The following GRIN2B variants were observed in gnomAD, a reference collection of about 807,000 sequenced individuals.
GRIN2B encodes the protein glutamate ionotropic receptor NMDA type subunit 2B.
A neutral mutation model predicts 114.5 loss-of-function variants in GRIN2B; 5 were observed. The ratio of observed to expected loss-of-function variants is 0.04; its 90% CI spans 0.02 to 0.09. GRIN2B has a LOEUF of 0.09. Among genes scored for constraint, GRIN2B ranks in the 10% least tolerant of loss-of-function variants. The pLI, the probability that GRIN2B is intolerant of heterozygous loss-of-function variation, is 1.00. For synonymous variants in GRIN2B, 787 were observed against 745.1 expected (o/e 1.06, Z -0.92); for missense variants, 1,108 against 1,943.5 (o/e 0.57, Z 8.08).
At chr12:13,643,766 T>A (rs375966735) in intron 5 of GRIN2B, among the ~76,000 whole-genome samples, 1 of 152,190 alleles carries the variant, frequency 6.6e-6, no homozygotes, top group East Asian at 1.9e-4. Context: ...GACAATGTTA[T>A]GGCATCTTCA....
chr12:13,794,949 G>A (rs566896762), intron 3 of GRIN2B, among the ~76,000 whole-genome samples: 1 of 152,328 alleles, frequency 6.6e-6, no homozygotes, highest in Admixed American at 6.5e-5. Context: ...CTCACCATGA[G>A]AGGAGCTGCC....
At position 13,937,465 on chromosome 12, in the gene GRIN2B, A is replaced by G; in HGVS notation, c.-19+42463T>C. On this transcript the variant is annotated intron_variant, in intron 2 of 13. Transcript: ENST00000609686. ...AAGGATAAAAATGACTGCTGACCAG[A>G]AGACAATGGAATAATATCTCTAAAG... Among the ~76,000 whole-genome samples the G allele has an allele frequency of 1.3e-5, 2 of 150,080 alleles. 1 individual carries two copies. The highest frequency in any genetic ancestry group is 3.0e-5 in the Non-Finnish European group (2 of 67,642).
At chr12:13,880,543 A>C (rs2136764112) in intron 2 of GRIN2B, among the ~76,000 whole-genome samples, 1 of 152,320 alleles carries the variant, frequency 6.6e-6, no homozygotes, top group East Asian at 1.9e-4. Flanking sequence ...GCTGTTTAGG[A>C]AATCAGCTAG....
chr12:13,837,281 A>C (rs186485690), intron 3 of GRIN2B, among the ~76,000 whole-genome samples: 8 of 152,194 alleles, frequency 5.3e-5, no homozygotes, highest in African/African-American at 1.9e-4. Context: ...AACCAAGAGC[A>C]GATCTTTCTC....
In GRIN2B at chr12:13,545,484, A is replaced by G. The variant is rs984425241; in HGVS notation, c.*17299T>C. 3.3e-5 allele frequency: 5 copies of G among 152,316 alleles called. No homozygotes were observed. In the East Asian group the frequency reaches 9.6e-4, roughly 29 times the overall value. The allele number at this position is 152,316 out of a possible 1,614,324, so 9.4% of individuals were successfully genotyped here. A position where few individuals can be genotyped will look rare whatever the true frequency, so the allele number is the denominator to read the frequency against. On this transcript the variant is annotated 3_prime_UTR_variant, in exon 14 of 14. Transcript: ENST00000609686. ...AACATGGATAAGTCATTTATCCAAA[A>G]CATGCTCTGAAGCCACAGACCAAAT...
intron 10 of GRIN2B, among the ~76,000 whole-genome samples, chr12:13,605,034 A>C (rs1275768346): frequency 6.6e-6 from 1 of 150,872 alleles, no homozygotes; most frequent in Non-Finnish European, 1.5e-5. Flanking sequence ...GGGGCTCTTA[A>C]GTAAATACAA....
intron 3 of GRIN2B, among the ~76,000 whole-genome samples, chr12:13,759,631 G>A (rs1451134876): frequency 1.3e-5 from 2 of 152,110 alleles, no homozygotes; most frequent in African/African-American, 4.8e-5. Flanking sequence ...ATGTCCACTT[G>A]CAGTCCTCCT....
At chr12:13,572,735 A>G (rs150664733) in intron 10 of GRIN2B, among the ~76,000 whole-genome samples, 4 of 152,314 alleles carry the variant, frequency 2.6e-5, no homozygotes, top group African/African-American at 4.8e-5. Context: ...GTTCATTTGT[A>G]TCTTCACAGC....
chr12:13,713,048 A>C (rs938600423), intron 4 of GRIN2B, among the ~76,000 whole-genome samples: 2 of 151,942 alleles, frequency 1.3e-5, no homozygotes, highest in African/African-American at 4.8e-5. Flanking sequence ...CTTACCACCA[A>C]GCATAAGATG....
intron 3 of GRIN2B, among the ~76,000 whole-genome samples, chr12:13,784,707 G>C (rs1468138290): frequency 6.6e-6 from 1 of 152,202 alleles, no homozygotes; most frequent in Non-Finnish European, 1.5e-5. Context: ...GCCATGATAG[G>C]AGAATAAGTC....
intron 10 of GRIN2B, among the ~76,000 whole-genome samples, chr12:13,608,080 G>A (rs944036193): frequency 2.0e-4 from 30 of 152,186 alleles, no homozygotes; most frequent in Admixed American, 1.4e-3. Context: ...CCACACAGGG[G>A]CAATCATCCA....
rs1187473062 is a variant in GRIN2B at position 13,753,767 on chromosome 12, C to A, written c.560G>T (p.Arg187Leu). 2 of 1,614,032 alleles carry A rather than the reference C, an allele frequency of 1.2e-6. No homozygotes were observed. Among genetic ancestry groups the A allele is most frequent in the Non-Finnish European group, 1.7e-6 (2 of 1,179,936 alleles). Reference sequence around the variant, plus strand: ...CACAAAGCTATTCTCAATGGTGCTGCGGATCTTGTTTACAAAGTCCTGGTA... The same window carrying A: ...CACAAAGCTATTCTCAATGGTGCTGAGGATCTTGTTTACAAAGTCCTGGTA... Reference protein sequence around the residue: ...PGYQDFVNKIRSTIENSFVGW... With the variant: ...PGYQDFVNKILSTIENSFVGW... Residue 187 changes from arginine (R) to leucine (L), a missense_variant, in exon 4 of 14, where the codon CGC becomes CTC. By Grantham distance (102) the Arg-to-Leu change is moderately radical. Coordinates refer to ENST00000609686, the MANE Select transcript of GRIN2B (RefSeq NM_000834.5). This position sits in a 1 kb window ranked among gnomAD's most constrained non-coding sequence, Gnocchi z 6.2.
intron 2 of GRIN2B, among the ~76,000 whole-genome samples, chr12:13,893,387 G>T (rs1008803675): frequency 4.0e-5 from 6 of 151,726 alleles, no homozygotes; most frequent in Admixed American, 3.9e-4. Context: ...TTCCAAAAAA[G>T]GTTTTAATAA....
At chr12:13,809,159 A>G (rs1173203847) in intron 3 of GRIN2B, among the ~76,000 whole-genome samples, 1 of 152,126 alleles carries the variant, frequency 6.6e-6, no homozygotes, top group Non-Finnish European at 1.5e-5. Flanking sequence ...AACTTGCCAA[A>G]TGTCTTCTGG....
intron 4 of GRIN2B, among the ~76,000 whole-genome samples, chr12:13,746,035 T>A (rs527624057): frequency 1.3e-5 from 2 of 152,022 alleles, no homozygotes; most frequent in Non-Finnish European, 2.9e-5. Flanking sequence ...CAAAAAAAAT[T>A]TTTTAAATAT....
intron 4 of GRIN2B, among the ~76,000 whole-genome samples, chr12:13,731,021 T>C (rs1863079700): frequency 6.6e-6 from 1 of 152,182 alleles, no homozygotes; most frequent in Non-Finnish European, 1.5e-5. Context: ...TGGCTCCTCC[T>C]GCCCTGGAAC....
At chr12:13,810,669 C>T (rs1171647914) in intron 3 of GRIN2B, among the ~76,000 whole-genome samples, 1 of 152,156 alleles carries the variant, frequency 6.6e-6, no homozygotes, top group Non-Finnish European at 1.5e-5. Context: ...GTCTATATCC[C>T]ACTCCAAACT....
intron 2 of GRIN2B, among the ~76,000 whole-genome samples, chr12:13,960,668 G>A (rs1040439449): frequency 1.3e-5 from 2 of 152,152 alleles, no homozygotes; most frequent in Non-Finnish European, 2.9e-5. Context: ...ATCAGTAAAG[G>A]TTTTAGGGTG....
intron 4 of GRIN2B, among the ~76,000 whole-genome samples, chr12:13,699,263 TG>T (rs1236771766): frequency 6.6e-6 from 1 of 152,190 alleles, no homozygotes; most frequent in African/African-American, 2.4e-5. Context: ...CCCCAATACC[TG>T]CAGTGCATTG....
Sources: allele counts gnomAD v4.1 joint callset (sites outside exome capture counted in the v4.1 genomes callset), GRCh38; gene constraint gnomAD v4.1.1; non-coding constraint Gnocchi (gnomAD v3.1); transcripts MANE v1.5; gene names NCBI Gene and HGNC (gene_info 2026-07-23, HGNC 2026-07-21).